The following CHCHD3 variants were observed in gnomAD, a reference collection of about 807,000 sequenced individuals.
CHCHD3 encodes coiled-coil-helix-coiled-coil-helix domain containing 3, also known as MICOS complex subunit MIC19.
A neutral mutation model predicts 38.2 loss-of-function variants in CHCHD3; 20 were observed. The ratio of observed to expected loss-of-function variants is 0.52; its 90% CI spans 0.37 to 0.76. The LOEUF is 0.76. Ranked by LOEUF, CHCHD3 falls within the 30% of genes least tolerant of loss-of-function variation. The probability of loss-of-function intolerance (pLI) is 0.00; values close to 1 mark genes in which losing one functional copy is unlikely to be tolerated. For synonymous variants in CHCHD3, 82 were observed against 100.0 expected, an observed-to-expected ratio of 0.82 and a Z score of 1.07; for missense variants, 245 against 279.2, an observed-to-expected ratio of 0.88 and a Z score of 0.87.
At chr7:132,871,938 A>G (rs996228692) in intron 5 of CHCHD3, among the ~76,000 whole-genome samples, 2 of 152,106 alleles carry the variant, frequency 1.3e-5, no homozygotes, top group Admixed American at 6.5e-5. Flanking sequence ...AAAGTTGGGG[A>G]AAAAAAAGTA....
intron 4 of CHCHD3, chr7:132,972,434 A>G (rs1278242536): frequency 2.8e-6 from 1 of 353,308 alleles, no homozygotes; most frequent in Admixed American, 6.4e-5. Flanking sequence ...GAATATAAAC[A>G]CAACAAACCA....
intron 5 of CHCHD3, among the ~76,000 whole-genome samples, chr7:132,874,816 A>C (rs373891170): frequency 5.3e-5 from 8 of 152,050 alleles, no homozygotes; most frequent in East Asian, 1.9e-4. Flanking sequence ...TTTCTCAAAG[A>C]CTCTTGGAAA....
rs114340699 is a variant in CHCHD3 at position 132,797,501 on chromosome 7, T to G, written c.525-924A>C. Among the ~76,000 whole-genome samples, 1,194 of 152,322 alleles carry G rather than the reference T, an allele frequency of 7.8e-3. 21 individuals are homozygous for G. The highest frequency in any genetic ancestry group is 0.027 in the African/African-American group (1,129 of 41,574). On this transcript the variant is annotated intron_variant, in intron 6 of 7. Transcript: ENST00000262570. Reference sequence around the variant, plus strand: ...GACTACACCATAGTCTAATACAATTTAGCAACCTACATTTACTAGAATGTA... The same window carrying G: ...GACTACACCATAGTCTAATACAATTGAGCAACCTACATTTACTAGAATGTA...
At chr7:132,939,803 T>C (rs531427865) in intron 4 of CHCHD3, among the ~76,000 whole-genome samples, 6 of 152,172 alleles carry the variant, frequency 3.9e-5, no homozygotes, top group Non-Finnish European at 7.4e-5. Flanking sequence ...TAGGAACAAA[T>C]GAGTATGTGC....
intron 3 of CHCHD3, among the ~76,000 whole-genome samples, chr7:132,995,984 A>G (rs962283977): frequency 2.0e-5 from 3 of 152,196 alleles, no homozygotes; most frequent in African/African-American, 7.2e-5. Context: ...GTCCCCATTC[A>G]GAGCTAAAGA....
chr7:133,067,960 T>TA (rs894121184), intron 2 of CHCHD3, among the ~76,000 whole-genome samples: 20 of 151,890 alleles, frequency 1.3e-4, no homozygotes, highest in Non-Finnish European at 2.5e-4. Flanking sequence ...ACTAAAAATA[T>TA]AAAAAATTAG....
intron 4 of CHCHD3, among the ~76,000 whole-genome samples, chr7:132,937,930 C>G (rs889221790): frequency 1.8e-4 from 28 of 152,028 alleles, no homozygotes; most frequent in African/African-American, 6.8e-4. Flanking sequence ...TTCAAAGTAC[C>G]TTATTACTGT....
chr7:132,874,168 C>G (rs141408185), intron 5 of CHCHD3, among the ~76,000 whole-genome samples: 27 of 152,228 alleles, frequency 1.8e-4, no homozygotes, highest in Middle Eastern at 3.4e-3. Context: ...AGACAAGGTC[C>G]CTGCTTTTAT....
intron 3 of CHCHD3, among the ~76,000 whole-genome samples, chr7:133,009,943 AACTGTCTCAGG>A (rs1477904504): frequency 6.6e-6 from 1 of 152,236 alleles, no homozygotes. Flanking sequence ...GAAACTGAGC[AACTGTCTCAGG>A]ACAGGACCTG....
intron 5 of CHCHD3, among the ~76,000 whole-genome samples, chr7:132,864,458 C>A (rs951339539): frequency 6.6e-6 from 1 of 152,044 alleles, no homozygotes; most frequent in Admixed American, 6.6e-5. Context: ...GCATATATAA[C>A]AACAAAGAAA....
At chr7:132,946,666 G>T (rs1810910416) in intron 4 of CHCHD3, among the ~76,000 whole-genome samples, 2 of 151,682 alleles carry the variant, frequency 1.3e-5, no homozygotes, top group Admixed American at 1.3e-4. Context: ...TAAATATGGA[G>T]TAAAACCTGG....
intron 4 of CHCHD3, among the ~76,000 whole-genome samples, chr7:132,890,953 C>G (rs757892483): frequency 6.6e-6 from 1 of 152,078 alleles, no homozygotes; most frequent in Admixed American, 6.5e-5. Flanking sequence ...TATTTCTTGT[C>G]AAAACTACAT....
In CHCHD3 at chr7:132,866,025, G is replaced by A. The variant is rs150671514; in HGVS notation, c.453+19637C>T. On this transcript the variant is annotated intron_variant, in intron 5 of 7. Coordinates refer to ENST00000262570, the MANE Select transcript of CHCHD3 (RefSeq NM_017812.4). ...GTTGATCACGACCCCTCATTCTTTCGGCCTGTAACAACCATCAACTGCACA... is the reference window on the plus strand; with the variant it reads ...GTTGATCACGACCCCTCATTCTTTCAGCCTGTAACAACCATCAACTGCACA... 1.8e-4 allele frequency among the ~76,000 whole-genome samples: 28 copies of A among 152,154 alleles called. No homozygotes were observed. In the East Asian group the frequency reaches 2.7e-3, roughly 15 times the overall value.
intron 5 of CHCHD3, among the ~76,000 whole-genome samples, chr7:132,850,543 A>G (rs138188039): frequency 3.3e-5 from 5 of 151,384 alleles, no homozygotes; most frequent in Non-Finnish European, 7.4e-5. Context: ...AACCTTAGTT[A>G]CATTACCTCA....
At chr7:132,853,239 C>T (rs769331785) in intron 5 of CHCHD3, among the ~76,000 whole-genome samples, 14 of 152,128 alleles carry the variant, frequency 9.2e-5, no homozygotes, top group African/African-American at 1.4e-4. Flanking sequence ...TGATGGTGTA[C>T]GCAAGGCAAA....
intron 3 of CHCHD3, among the ~76,000 whole-genome samples, chr7:132,984,773 GCCCCTCCGCCCGGCAGCCAC>G (rs1812043119): frequency 6.8e-6 from 1 of 147,440 alleles, no homozygotes; most frequent in Non-Finnish European, 1.5e-5. Flanking sequence ...GAAGTGAGGA[GCCCCTCCGCCCGGCAGCCAC>G]TCCGTCTGGG....
intron 1 of CHCHD3, among the ~76,000 whole-genome samples, chr7:133,070,832 A>G (rs1814800658): frequency 6.6e-6 from 1 of 152,244 alleles, no homozygotes; most frequent in South Asian, 2.1e-4. Flanking sequence ...GTGAGTCAGC[A>G]TGTAATGCAA....
chr7:132,973,372 T>G, intron 4 of CHCHD3: 2 of 985,500 alleles, frequency 2.0e-6, no homozygotes, highest in Non-Finnish European at 2.4e-6. Flanking sequence ...AGAAATGACT[T>G]TTCAACCCAC....
chr7:133,013,732 AC>A (rs1812948437), intron 3 of CHCHD3, among the ~76,000 whole-genome samples: 1 of 152,202 alleles, frequency 6.6e-6, no homozygotes, highest in Admixed American at 6.5e-5. Flanking sequence ...TTTTAAAAAA[AC>A]AAAATGATAA....
Sources: allele counts gnomAD v4.1 joint callset (sites outside exome capture counted in the v4.1 genomes callset), GRCh38; gene constraint gnomAD v4.1.1; transcripts MANE v1.5; gene names NCBI Gene and HGNC (gene_info 2026-07-23, HGNC 2026-07-21).